Variants in SLC25A17 observed in about 807,000 individuals in gnomAD.
SLC25A17 encodes the protein peroxisomal membrane protein PMP34.
In SLC25A17, 26 loss-of-function variants were observed where a neutral mutation model predicts 38.5. The ratio of observed to expected loss-of-function variants is 0.68; its 90% CI spans 0.50 to 0.94. The LOEUF (loss-of-function observed/expected upper bound fraction) is 0.94, where lower values mean the gene tolerates loss of function less well. Among genes scored for constraint, SLC25A17 ranks in the 40% least tolerant of loss-of-function variants. The pLI is 0.00. For synonymous variants in SLC25A17, 139 were observed against 136.2 expected (o/e 1.02, Z -0.14); for missense variants, 333 against 372.7 (o/e 0.89, Z 0.88).
At chr22:40,783,832 A>C (rs553574262) in intron 4 of SLC25A17, among the ~76,000 whole-genome samples, 2 of 152,174 alleles carry the variant, frequency 1.3e-5, no homozygotes, top group South Asian at 4.2e-4. Flanking sequence ...CAGCCTCCCA[A>C]GTAGCTGGGA....
chr22:40,787,866 T>C (rs973885181), intron 4 of SLC25A17, among the ~76,000 whole-genome samples: 5 of 152,188 alleles, frequency 3.3e-5, no homozygotes, highest in Admixed American at 2.6e-4. Flanking sequence ...AAACAAAATT[T>C]TACAAACATC....
chr22:40,784,608 T>C, intron 4 of SLC25A17: 1 of 223,906 alleles, frequency 4.5e-6, no homozygotes, highest in Middle Eastern at 8.0e-4. Context: ...CCCCCATCTG[T>C]ACAAAAAATA....
At chr22:40,776,446 A>G (rs1489866712) in intron 7 of SLC25A17, 1 of 306,920 alleles carries the variant, frequency 3.3e-6, no homozygotes, top group East Asian at 1.0e-4. Flanking sequence ...AATCAACTTG[A>G]ATGAGAAGGA....
At chr22:40,817,149 T>C in intron 1 of SLC25A17, 1 of 152,248 alleles carries the variant, frequency 6.6e-6, no homozygotes, top group Non-Finnish European at 1.5e-5. Flanking sequence ...GTCTTTTCAA[T>C]TAACCACTGG....
chr22:40,802,645 C>T (rs1294050472), intron 1 of SLC25A17, among the ~76,000 whole-genome samples: 1 of 149,748 alleles, frequency 6.7e-6, no homozygotes, highest in Non-Finnish European at 1.5e-5. Context: ...AACTCCTTCT[C>T]AAAAAAAAAG....
At chr22:40,794,808 G>A (rs2145679173) in intron 2 of SLC25A17, among the ~76,000 whole-genome samples, 1 of 152,038 alleles carries the variant, frequency 6.6e-6, no homozygotes, top group East Asian at 1.9e-4. Flanking sequence ...TAGTAGAGGC[G>A]GGGTTTCGCA....
intron 4 of SLC25A17, among the ~76,000 whole-genome samples, chr22:40,790,402 G>A (rs1423938830): frequency 6.8e-6 from 1 of 146,272 alleles, no homozygotes; most frequent in Non-Finnish European, 1.5e-5. Context: ...CAACAATTAA[G>A]GTTAGTAGGC....
rs375336785 is a variant in SLC25A17 at position 40,770,831 on chromosome 22, G to A, written c.*3C>T. 19 of 1,591,332 alleles carry A rather than the reference G, an allele frequency of 1.2e-5. No homozygotes were observed. The highest frequency in any genetic ancestry group is 8.1e-5 in the African/African-American group (6 of 74,134). On this transcript the variant is annotated 3_prime_UTR_variant, in exon 9 of 9. Transcript: ENST00000435456. ...TCTTCGGAATTTTTCATGGGAAGGC[G>A]TCTCAGTGTTGGTGTGCACGCTTCA...
At chr22:40,807,682 G>T (rs2145700288) in intron 1 of SLC25A17, among the ~76,000 whole-genome samples, 1 of 152,238 alleles carries the variant, frequency 6.6e-6, no homozygotes, top group East Asian at 1.9e-4. Flanking sequence ...CCGGGAGGCG[G>T]AACTTGCAGT....
At position 40,789,399 on chromosome 22, in the gene SLC25A17, G is replaced by C. The variant is rs771346713; in HGVS notation, c.334+3126C>G. On this transcript the variant is annotated intron_variant, in intron 4 of 8. Transcript: ENST00000435456. The surrounding 1 kb of genome is among the most constrained non-coding windows in gnomAD (Gnocchi z 4.5). Reference sequence around the variant, plus strand: ...GGTGCACCAGGGGCCCGACGATGCCGATGACACGCCACGGAGGATCCCTGA... The same window carrying C: ...GGTGCACCAGGGGCCCGACGATGCCCATGACACGCCACGGAGGATCCCTGA... 2.0e-5 allele frequency: 3 copies of C among 152,288 alleles called. No individual in the cohort carries two copies. The highest frequency in any genetic ancestry group is 4.4e-5 in the Non-Finnish European group (3 of 68,098). 9.4% of individuals were successfully genotyped at this position (152,288 alleles called of 1,614,324 possible). A position where few individuals can be genotyped will look rare whatever the true frequency, so the allele number is the denominator to read the frequency against.
chr22:40,788,824 CTTCT>C (rs749300707), intron 4 of SLC25A17: 10 of 235,980 alleles, frequency 4.2e-5, no homozygotes, highest in Non-Finnish European at 9.2e-5. Context: ...AAGAAATTAT[CTTCT>C]TTGAGTTTCA....
rs529017372 is a variant in SLC25A17, at chr22:40,782,629, A to G, written c.335-3504T>C. Among the ~76,000 whole-genome samples, 372 of 152,366 alleles carry G rather than the reference A, an allele frequency of 2.4e-3. 1 individual carries two copies. The highest frequency in any genetic ancestry group is 4.7e-3 in the Non-Finnish European group (319 of 68,034). On this transcript the variant is annotated intron_variant, in intron 4 of 8. Coordinates refer to ENST00000435456, the MANE Select transcript of SLC25A17 (RefSeq NM_006358.4). ...GAAAATATGTGCAATGACCATGGAT[A>G]TAAGAAAATGGCAAAACAAAGGCAC...
At chr22:40,772,568 G>C (rs1020201312) in intron 8 of SLC25A17, among the ~76,000 whole-genome samples, 1 of 152,022 alleles carries the variant, frequency 6.6e-6, no homozygotes, top group Admixed American at 6.6e-5. Flanking sequence ...CTCCTAAAGT[G>C]CTGGGATTAT....
At chr22:40,791,777 G>A (rs929235086) in intron 4 of SLC25A17, among the ~76,000 whole-genome samples, 8 of 152,192 alleles carry the variant, frequency 5.3e-5, no homozygotes, top group African/African-American at 1.7e-4. Context: ...GGGAACTTCT[G>A]TGTACTGTTG....
At position 40,769,702 on chromosome 22, in the gene SLC25A17, C is replaced by T. The variant is rs1007899323; in HGVS notation, c.*1132G>A. On this transcript the variant is annotated 3_prime_UTR_variant, in exon 9 of 9. Coordinates refer to ENST00000435456, the MANE Select transcript of SLC25A17 (RefSeq NM_006358.4). ...AAATCTTTATCTTGATGTCTATAAT[C>T]GAAACCAATCACTTCTTCTCATGGG... The T allele has an allele frequency of 2.0e-5, 3 of 152,284 alleles. No individual in the cohort carries two copies. Among genetic ancestry groups the T allele is most frequent in the East Asian group, 1.9e-4 (1 of 5,178 alleles). The allele number at this position is 152,284 out of a possible 1,614,324, so 9.4% of individuals were successfully genotyped here. A position where few individuals can be genotyped will look rare whatever the true frequency, so the allele number is the denominator to read the frequency against.
intron 1 of SLC25A17, among the ~76,000 whole-genome samples, chr22:40,809,614 C>G (rs2057560745): frequency 6.6e-6 from 1 of 151,724 alleles, no homozygotes; most frequent in Non-Finnish European, 1.5e-5. Flanking sequence ...CCTGGGTACA[C>G]AGTGAGACCC....
rs781041049 is a variant in SLC25A17 at position 40,819,272 on chromosome 22, G to C, written c.-24C>G. On this transcript the variant is annotated 5_prime_UTR_variant, in exon 1 of 9. Coordinates refer to ENST00000435456, the MANE Select transcript of SLC25A17 (RefSeq NM_006358.4). The stretch of plus-strand genomic sequence containing the variant: ...ATTGGTGCGGCTCCTCGAAGACCCA[G>C]CCACACTTTTCCCACAGATGCCGCA... 2.5e-6 allele frequency: 4 copies of C among 1,613,412 alleles called. No individual in the cohort carries two copies. The highest frequency in any genetic ancestry group is 3.4e-6 in the Non-Finnish European group (4 of 1,179,722).
At chr22:40,790,498 A>G (rs1358015050) in intron 4 of SLC25A17, among the ~76,000 whole-genome samples, 2 of 152,134 alleles carry the variant, frequency 1.3e-5, no homozygotes, top group African/African-American at 4.8e-5. Flanking sequence ...AGCCCTGAAA[A>G]AAAAATTTTA....
At chr22:40,795,819 G>A (rs556347866) in intron 2 of SLC25A17, among the ~76,000 whole-genome samples, 3 of 151,702 alleles carry the variant, frequency 2.0e-5, no homozygotes, top group African/African-American at 4.8e-5. Context: ...ACGGAGTCTC[G>A]CTTTGTCGCC....
Sources: allele counts gnomAD v4.1 joint callset (sites outside exome capture counted in the v4.1 genomes callset), GRCh38; gene constraint gnomAD v4.1.1; non-coding constraint Gnocchi (gnomAD v3.1); transcripts MANE v1.5; gene names NCBI Gene and HGNC (gene_info 2026-07-23, HGNC 2026-07-21).